The following DPYD variants were observed in gnomAD, a reference collection of about 807,000 sequenced individuals.
The protein encoded by DPYD is dihydropyrimidine dehydrogenase [NADP(+)].
A neutral mutation model predicts 116.2 loss-of-function variants in DPYD; 109 were observed. The observed-to-expected ratio is 0.94, with a 90% confidence interval of 0.80 to 1.10. The LOEUF (loss-of-function observed/expected upper bound fraction) is 1.10, where lower values mean the gene tolerates loss of function less well. DPYD is among the 50% of genes least tolerant of loss of function. DPYD has a pLI of 0.00. For missense variants in DPYD, 1,302 were observed against 1,254.5 expected (o/e 1.04, Z -0.57); for synonymous variants, 440 against 432.0 (o/e 1.02, Z -0.23).
At chr1:97,730,147 G>A (rs569196164) in intron 4 of DPYD, among the ~76,000 whole-genome samples, 26 of 152,192 alleles carry the variant, frequency 1.7e-4, no homozygotes, top group African/African-American at 6.0e-4. Context: ...CAGAGATCAT[G>A]TCTAATCAAC....
chr1:97,480,826 C>A (rs1308675613), intron 13 of DPYD, among the ~76,000 whole-genome samples: 2 of 151,956 alleles, frequency 1.3e-5, no homozygotes, highest in African/African-American at 2.4e-5. Flanking sequence ...ACTAATAATA[C>A]AAAATTAGCC....
chr1:97,157,068 G>A (rs1293340452), intron 20 of DPYD, among the ~76,000 whole-genome samples: 1 of 141,824 alleles, frequency 7.1e-6, no homozygotes, highest in East Asian at 2.2e-4. Flanking sequence ...ATTGAACAAT[G>A]AGAACACATG....
intron 21 of DPYD, among the ~76,000 whole-genome samples, chr1:97,088,533 T>C (rs897544589): frequency 1.3e-5 from 2 of 152,200 alleles, no homozygotes; most frequent in Admixed American, 6.5e-5. Context: ...GTCTTGCCTG[T>C]CCCTATTAAC....
At chr1:97,114,268 G>A (rs1202539850) in intron 20 of DPYD, among the ~76,000 whole-genome samples, 1 of 152,052 alleles carries the variant, frequency 6.6e-6, no homozygotes, top group Non-Finnish European at 1.5e-5. Context: ...TGAGACAGGT[G>A]TCTTTATTGT....
intron 3 of DPYD, among the ~76,000 whole-genome samples, chr1:97,827,358 T>A (rs1358368162): frequency 6.6e-6 from 1 of 152,094 alleles, no homozygotes; most frequent in Admixed American, 6.6e-5. Context: ...GCTACTCAAA[T>A]ATTCAAGCTC....
intron 22 of DPYD, among the ~76,000 whole-genome samples, chr1:97,082,113 G>A (rs1311590282): frequency 1.3e-5 from 2 of 151,958 alleles, no homozygotes; most frequent in Non-Finnish European, 2.9e-5. Context: ...AAATAATTCT[G>A]TGCATTAAAT....
chr1:97,452,181 C>T (rs1676453381), intron 13 of DPYD, among the ~76,000 whole-genome samples: 1 of 152,166 alleles, frequency 6.6e-6, no homozygotes, highest in Admixed American at 6.5e-5. Context: ...TTTCTTTTCT[C>T]TCCAACTCCA....
At chr1:97,769,091 C>A (rs923983965) in intron 3 of DPYD, among the ~76,000 whole-genome samples, 5 of 151,954 alleles carry the variant, frequency 3.3e-5, no homozygotes, top group Non-Finnish European at 7.4e-5. Flanking sequence ...CTTTCTATAG[C>A]TATTCATCTT....
rs1044023237 is a variant in DPYD at position 97,109,226 on chromosome 1, A to C, written c.2623-10594T>G. Reference sequence around the variant, plus strand: ...GAACCAAAGTATTATTACATTGTGCATAAATCTCATTTATGCACAATATAA... The same window carrying C: ...GAACCAAAGTATTATTACATTGTGCCTAAATCTCATTTATGCACAATATAA... On this transcript the variant is annotated intron_variant, in intron 20 of 22. Coordinates refer to ENST00000370192, the MANE Select transcript of DPYD (RefSeq NM_000110.4). 2.6e-4 allele frequency among the ~76,000 whole-genome samples: 39 copies of C among 152,284 alleles called. 1 individual carries two copies. Among genetic ancestry groups the C allele is most frequent in the African/African-American group, 9.1e-4 (38 of 41,582 alleles).
intron 2 of DPYD, among the ~76,000 whole-genome samples, chr1:97,836,589 A>G (rs909474210): frequency 2.0e-5 from 3 of 152,162 alleles, no homozygotes; most frequent in Non-Finnish European, 4.4e-5. Flanking sequence ...CGTTGTTTAA[A>G]AAACAATTAA....
At chr1:97,303,094 A>G (rs1208789507) in intron 18 of DPYD, among the ~76,000 whole-genome samples, 4 of 152,022 alleles carry the variant, frequency 2.6e-5, no homozygotes, top group Admixed American at 2.6e-4. Flanking sequence ...TATTTAAACA[A>G]AACATAATCT....
chr1:97,859,951 T>C (rs180756747), intron 2 of DPYD, among the ~76,000 whole-genome samples: 1 of 152,044 alleles, frequency 6.6e-6, no homozygotes, highest in East Asian at 1.9e-4. Context: ...TGGCTCATTA[T>C]GAATATAAAT....
chr1:97,612,526 A>G (rs1029670178), intron 8 of DPYD, among the ~76,000 whole-genome samples: 1 of 152,076 alleles, frequency 6.6e-6, no homozygotes. Flanking sequence ...AGTGTTTGCC[A>G]TCTAAAATTA....
chr1:97,253,351 A>G (rs183167760), intron 18 of DPYD, among the ~76,000 whole-genome samples: 1 of 152,336 alleles, frequency 6.6e-6, no homozygotes, highest in Non-Finnish European at 1.5e-5. Context: ...TTTACTTCTC[A>G]GCTTTTAATT....
chr1:97,195,404 C>T (rs906816736), intron 19 of DPYD, among the ~76,000 whole-genome samples: 1 of 150,516 alleles, frequency 6.6e-6, no homozygotes, highest in Non-Finnish European at 1.5e-5. Flanking sequence ...TGATTAAATA[C>T]ATTTTATTGT....
At chr1:97,339,662 G>C (rs1195587168) in intron 16 of DPYD, among the ~76,000 whole-genome samples, 1 of 152,094 alleles carries the variant, frequency 6.6e-6, no homozygotes, top group African/African-American at 2.4e-5. Context: ...ATTTCTACCA[G>C]AAGCAAATCT....
At position 97,204,509 on chromosome 1, in the gene DPYD, C is replaced by T. The variant is rs72967821; in HGVS notation, c.2443-11261G>A. 4.0e-3 allele frequency among the ~76,000 whole-genome samples: 611 copies of T among 152,218 alleles called. 4 individuals are homozygous for T. Among genetic ancestry groups the T allele is most frequent in the African/African-American group, 0.014 (592 of 41,554 alleles). On this transcript the variant is annotated intron_variant, in intron 19 of 22. Coordinates refer to ENST00000370192, the MANE Select transcript of DPYD (RefSeq NM_000110.4). ...ACTCTGACAACCTGAAGAAAGATTA[C>T]AAACACCAGTAAAAGTTCTAGGCTG...
chr1:97,791,934 C>T (rs569486238), intron 3 of DPYD, among the ~76,000 whole-genome samples: 2 of 152,258 alleles, frequency 1.3e-5, no homozygotes, highest in Admixed American at 6.5e-5. Flanking sequence ...TGTCAATATC[C>T]TATTGCTCTG....
intron 20 of DPYD, among the ~76,000 whole-genome samples, chr1:97,188,078 TTTA>T (rs1458455080): frequency 6.6e-6 from 1 of 152,152 alleles, no homozygotes; most frequent in Admixed American, 6.5e-5. Context: ...GCATATGAAT[TTTA>T]GAATTGTTTT....
Sources: gnomAD v4.1 joint callset for allele counts (sites outside exome capture counted in the v4.1 genomes callset) on GRCh38, gnomAD v4.1.1 for gene constraint, MANE v1.5 for transcripts, NCBI Gene and HGNC (gene_info 2026-07-23, HGNC 2026-07-21) for gene names.